AMPH: variants seen among roughly 807,000 people sequenced by gnomAD.
AMPH encodes the protein amphiphysin.
In AMPH, 49 loss-of-function variants were observed where a neutral mutation model predicts 99.1. The ratio of observed to expected loss-of-function variants is 0.49; its 90% CI spans 0.39 to 0.63. AMPH has a LOEUF of 0.63. AMPH is among the 20% of genes least tolerant of loss of function. The pLI is 0.00. For synonymous variants in AMPH, 314 were observed against 317.3 expected (o/e 0.99, Z 0.11); for missense variants, 759 against 863.4 (o/e 0.88, Z 1.52).
At chr7:38,414,751 G>A (rs114712847) in intron 17 of AMPH, among the ~76,000 whole-genome samples, 1 of 151,914 alleles carries the variant, frequency 6.6e-6, no homozygotes, top group Admixed American at 6.6e-5. Context: ...CTGCACCTCT[G>A]CCTTCTGGGT....
chr7:38,458,399 C>T (rs1562768692), intron 11 of AMPH, among the ~76,000 whole-genome samples: 2 of 151,922 alleles, frequency 1.3e-5, no homozygotes, highest in Non-Finnish European at 2.9e-5. Flanking sequence ...AACAAAAACA[C>T]CAACAACAAA....
At position 38,624,322 on chromosome 7, in the gene AMPH, A is replaced by C. The variant is rs559822693; in HGVS notation, c.69+6961T>G. Among the ~76,000 whole-genome samples, 122 of 151,422 alleles carry C rather than the reference A, an allele frequency of 8.1e-4. 1 individual carries two copies. The highest frequency in any genetic ancestry group is 6.4e-3 in the South Asian group (31 of 4,818). On this transcript the variant is annotated intron_variant, in intron 1 of 20. Transcript: ENST00000356264. The stretch of plus-strand genomic sequence containing the variant: ...ACTTGGGACAGAGAAAATGACACAA[A>C]GAATATCAAACTGGGCAGGTCCTTA...
At chr7:38,492,422 T>C (rs1410796336) in intron 4 of AMPH, among the ~76,000 whole-genome samples, 1 of 152,190 alleles carries the variant, frequency 6.6e-6, no homozygotes, top group Non-Finnish European at 1.5e-5. Flanking sequence ...ATGCAACACC[T>C]GGACTGCCGA....
intron 1 of AMPH, among the ~76,000 whole-genome samples, chr7:38,588,099 C>A (rs913314128): frequency 6.6e-6 from 1 of 151,916 alleles, no homozygotes; most frequent in South Asian, 2.1e-4. Context: ...TACAGGTGTG[C>A]GCCACCTCAC....
chr7:38,618,370 C>T (rs1029663968), intron 1 of AMPH, among the ~76,000 whole-genome samples: 2 of 151,286 alleles, frequency 1.3e-5, no homozygotes, highest in Non-Finnish European at 2.9e-5. Context: ...AAATTAGCCA[C>T]GCGTGGTGGC....
At chr7:38,472,383 T>A (rs547819843) in intron 7 of AMPH, among the ~76,000 whole-genome samples, 36 of 152,210 alleles carry the variant, frequency 2.4e-4, no homozygotes, top group African/African-American at 8.7e-4. Flanking sequence ...AGCAGCAGGA[T>A]TCACATGAAA....
chr7:38,542,478 G>A (rs1790840491), intron 1 of AMPH, among the ~76,000 whole-genome samples: 1 of 152,148 alleles, frequency 6.6e-6, no homozygotes, highest in Admixed American at 6.5e-5. Flanking sequence ...AGATGTTTGA[G>A]AGCAAGCTTA....
chr7:38,503,533 G>T, intron 3 of AMPH, 117 bp downstream of exon 3: 2 of 824,866 alleles, frequency 2.4e-6, no homozygotes, highest in Non-Finnish European at 2.0e-6. Context: ...CTGTGTTCAA[G>T]CATCCATCTT....
chr7:38,391,964 T>G lies in AMPH; in HGVS notation c.1662A>C (p.Glu554Asp), dbSNP rs767583066. 84 of 1,610,838 alleles carry G rather than the reference T, an allele frequency of 5.2e-5. No homozygotes were observed. Among genetic ancestry groups the G allele is most frequent in the Non-Finnish European group, 1.7e-6 (2 of 1,179,988 alleles). Reference protein sequence around the residue: ...VIEPASNHEEEGENEITIGAE... With the variant: ...VIEPASNHEEDGENEITIGAE... ...CACCTATAGTTATTTCGTTTTCTCC[T>G]TCCTCTTCATGGTTGGAGGCAGGCT... Residue 554 changes from glutamate (E) to aspartate (D), a missense_variant, in exon 19 of 21, where the codon GAA becomes GAC. Transcript: ENST00000356264.
chr7:38,384,729 A>G lies in AMPH; in HGVS notation c.*89T>C. The G allele has an allele frequency of 9.4e-7, 1 of 1,062,790 alleles. No homozygotes were observed. Among genetic ancestry groups the G allele is most frequent in the Non-Finnish European group, 1.4e-6 (1 of 696,686 alleles). 65.8% of individuals were successfully genotyped at this position (1,062,790 alleles called of 1,614,324 possible). ...GTCTGGCATCAGTCTGTAAATCATT[A>G]AGAGCATAATAACAAAAGTGAACTC... is the stretch of plus-strand genomic sequence containing the variant. On this transcript the variant is annotated 3_prime_UTR_variant, in exon 21 of 21. Transcript: ENST00000356264.
intron 1 of AMPH, among the ~76,000 whole-genome samples, chr7:38,615,134 C>T (rs1249629433): frequency 6.6e-6 from 1 of 152,142 alleles, no homozygotes; most frequent in Non-Finnish European, 1.5e-5. Flanking sequence ...AATGAGACTT[C>T]CGAGATCAAT....
At position 38,394,107 on chromosome 7, in the gene AMPH, C is replaced by G. The variant is rs371402056; in HGVS notation, c.1506G>C (p.Gly502=). The G allele has an allele frequency of 6.2e-7, 1 of 1,614,184 alleles. No individual in the cohort carries two copies. Among genetic ancestry groups the G allele is most frequent in the Non-Finnish European group, 8.5e-7 (1 of 1,180,026 alleles). ...AEAEKATVPA[G]EGVSLEEAKI... ...TGGCCTCCTCTAAACTTACTCCTTC[C>G]CCGGCAGGGACAGTGGCCTTCTCCG... The change falls in exon 18 of 21, where the codon GGG becomes GGC. Residue 502 remains glycine (G), a synonymous_variant. Coordinates refer to ENST00000356264, the MANE Select transcript of AMPH (RefSeq NM_001635.4).
intron 6 of AMPH, among the ~76,000 whole-genome samples, chr7:38,476,219 A>G (rs1788080899): frequency 6.6e-6 from 1 of 152,172 alleles, no homozygotes; most frequent in South Asian, 2.1e-4. Flanking sequence ...AATTGTGAGG[A>G]TCTTTTATGC....
At chr7:38,495,349 G>A (rs915519484) in intron 3 of AMPH, among the ~76,000 whole-genome samples, 1 of 152,120 alleles carries the variant, frequency 6.6e-6, no homozygotes, top group Non-Finnish European at 1.5e-5. Context: ...ATAAAAACAA[G>A]TAAGATAATT....
intron 1 of AMPH, among the ~76,000 whole-genome samples, chr7:38,604,197 A>C (rs1300379187): frequency 2.0e-5 from 3 of 152,236 alleles, no homozygotes; most frequent in African/African-American, 7.2e-5. Flanking sequence ...GATCTTTGTA[A>C]ATAGGAGATT....
chr7:38,458,034 C>T, intron 11 of AMPH, among the ~76,000 whole-genome samples: 1 of 151,966 alleles, frequency 6.6e-6, no homozygotes, highest in Middle Eastern at 3.2e-3. Context: ...CATTCCTCTT[C>T]CTCATTTGTG....
intron 14 of AMPH, chr7:38,429,559 G>A: frequency 7.0e-7 from 1 of 1,430,772 alleles, no homozygotes; most frequent in Non-Finnish European, 9.3e-7. Context: ...CACAAGGAAA[G>A]ACTTTCTGAA....
At chr7:38,437,639 A>AAAAAAAAAAAGAAAAG (rs765494380) in intron 11 of AMPH, among the ~76,000 whole-genome samples, 25 of 96,724 alleles carry the variant, frequency 2.6e-4, no homozygotes, top group Middle Eastern at 5.3e-3. Context: ...AAAAAAAAAA[A>AAAAAAAAAAAGAAAAG]AAAAGAAAAG....
At chr7:38,456,258 A>G (rs971095112) in intron 11 of AMPH, among the ~76,000 whole-genome samples, 5 of 152,180 alleles carry the variant, frequency 3.3e-5, no homozygotes, top group African/African-American at 1.2e-4. Context: ...CTACCTCCCT[A>G]CACTGCTCCC....
Sources: allele counts gnomAD v4.1 joint callset (sites outside exome capture counted in the v4.1 genomes callset), GRCh38; gene constraint gnomAD v4.1.1; transcripts MANE v1.5; gene names NCBI Gene and HGNC (gene_info 2026-07-23, HGNC 2026-07-21).